Variants in COL15A1 observed in about 807,000 individuals in gnomAD.
COL15A1 encodes the protein collagen type XV alpha 1 chain.
In COL15A1, 111 loss-of-function variants were observed where a neutral mutation model predicts 165.9. The observed-to-expected ratio is 0.67, with a 90% CI of 0.57 to 0.78. The LOEUF (loss-of-function observed/expected upper bound fraction) is 0.78, where lower values mean the gene tolerates loss of function less well. Among genes scored for constraint, COL15A1 ranks in the 30% least tolerant of loss-of-function variants. The pLI is 0.00. For missense variants in COL15A1, 1,745 were observed against 1,789.7 expected, an observed-to-expected ratio of 0.98 and a Z score of 0.45; for synonymous variants, 659 against 674.8, an observed-to-expected ratio of 0.98 and a Z score of 0.36.
At chr9:98,990,880 A>C (rs185583213) in intron 5 of COL15A1, among the ~76,000 whole-genome samples, 5 of 152,292 alleles carry the variant, frequency 3.3e-5, no homozygotes, top group Admixed American at 2.0e-4. Flanking sequence ...TGAGTGTTAC[A>C]GTTCTTAAAG....
chr9:98,976,967 C>T (rs569308039), intron 2 of COL15A1, among the ~76,000 whole-genome samples: 6 of 152,038 alleles, frequency 3.9e-5, no homozygotes, highest in Non-Finnish European at 7.4e-5. Flanking sequence ...GAGGGAACAG[C>T]ATACACAAAG....
At chr9:98,993,942 T>C (rs949158075) in intron 5 of COL15A1, among the ~76,000 whole-genome samples, 1 of 152,140 alleles carries the variant, frequency 6.6e-6, no homozygotes, top group Non-Finnish European at 1.5e-5. Flanking sequence ...ACTTTCTGAG[T>C]GGTCAGGGAC....
intron 2 of COL15A1, among the ~76,000 whole-genome samples, chr9:98,970,471 T>C (rs1308279016): frequency 1.3e-5 from 2 of 152,146 alleles, no homozygotes; most frequent in East Asian, 3.9e-4. Flanking sequence ...CTCTGAGCCC[T>C]TAAGGGGGTA....
intron 2 of COL15A1, among the ~76,000 whole-genome samples, chr9:98,984,311 G>A (rs1042296293): frequency 7.9e-5 from 12 of 152,210 alleles, no homozygotes; most frequent in Admixed American, 2.0e-4. Flanking sequence ...CTGCAAGCTA[G>A]TCTGCAGCTT....
At chr9:98,985,109 T>C (rs1838286395) in intron 2 of COL15A1, among the ~76,000 whole-genome samples, 1 of 151,808 alleles carries the variant, frequency 6.6e-6, no homozygotes, top group Non-Finnish European at 1.5e-5. Context: ...AGTTTTATAG[T>C]GGGGAAAAAA....
At chr9:99,068,482 AAAAAG>A in intron 40 of COL15A1, 68 bp from the exon 41 acceptor site, 1 of 642,886 alleles carries the variant, frequency 1.6e-6, no homozygotes, top group Admixed American at 3.9e-5. Flanking sequence ...AAAAAAAAAA[AAAAAG>A]AGTAAAAATC....
chr9:99,069,173 AC>A (rs1366953602), intron 41 of COL15A1, among the ~76,000 whole-genome samples: 1 of 152,182 alleles, frequency 6.6e-6, no homozygotes, highest in Admixed American at 6.5e-5. Flanking sequence ...TAATAAACCC[AC>A]ACAGCTCCTA....
intron 9 of COL15A1, 52 bp downstream of exon 9, chr9:99,005,102 G>C (rs2118957877): frequency 6.6e-7 from 1 of 1,515,340 alleles, no homozygotes; most frequent in Middle Eastern, 2.3e-4. Context: ...AGCAGCTCCT[G>C]ACCTTCTCAG....
intron 5 of COL15A1, among the ~76,000 whole-genome samples, chr9:98,993,512 G>C (rs867754834): frequency 1.3e-5 from 2 of 152,070 alleles, no homozygotes; most frequent in Non-Finnish European, 2.9e-5. Context: ...CTGTGCACCC[G>C]TCTGTCTGCA....
At chr9:99,044,685 A>G in intron 25 of COL15A1, 49 bp downstream of exon 25, 12 of 1,612,738 alleles carry the variant, frequency 7.4e-6, no homozygotes, top group Non-Finnish European at 1.0e-5. Context: ...CCAGCTTTGC[A>G]TCTTTGTTTC....
intron 2 of COL15A1, among the ~76,000 whole-genome samples, chr9:98,967,295 G>A (rs145188250): frequency 6.6e-6 from 1 of 152,210 alleles, no homozygotes; most frequent in Admixed American, 6.5e-5. Flanking sequence ...TGGAAGGTGT[G>A]TGCCGACCCT....
chr9:99,015,445 C>A lies in COL15A1; in HGVS notation c.1382C>A (p.Thr461Lys). The A allele has an allele frequency of 6.2e-7, 1 of 1,607,900 alleles. No homozygotes were observed. Among genetic ancestry groups the A allele is most frequent in the Non-Finnish European group, 8.5e-7 (1 of 1,175,200 alleles). ...CCAAGCAGTGAAGACAGTTTAACAACAGCTGCAGCTGCAACCGAAGTGTCC... is the reference window on the plus strand; with the variant it reads ...CCAAGCAGTGAAGACAGTTTAACAAAAGCTGCAGCTGCAACCGAAGTGTCC... ...VGPSSEDSLT[T>K]AAAATEVSLS... Residue 461 changes from threonine to lysine, a missense_variant, in exon 10 of 42, where the codon ACA becomes AAA. Physicochemically the swap from Thr to Lys is moderately conservative, Grantham distance 78. Coordinates refer to ENST00000375001, the MANE Select transcript of COL15A1 (RefSeq NM_001855.5).
At chr9:99,035,302 G>A (rs1216492611) in intron 18 of COL15A1, 48 bp from the exon 19 acceptor site, 3 of 1,611,388 alleles carry the variant, frequency 1.9e-6, no homozygotes, top group Non-Finnish European at 8.5e-7. Context: ...GGCACAAGTA[G>A]GTGCCCAGGA....
chr9:99,011,962 AT>A (rs1432287223), intron 9 of COL15A1, among the ~76,000 whole-genome samples: 8 of 152,208 alleles, frequency 5.3e-5, no homozygotes, highest in Non-Finnish European at 1.2e-4. Context: ...CATTAAACTA[AT>A]GTTCTTGTCT....
chr9:99,067,105 A>T, intron 40 of COL15A1, 38 bp downstream of exon 40: 1 of 1,565,906 alleles, frequency 6.4e-7, no homozygotes, highest in African/African-American at 1.3e-5. Flanking sequence ...TTCTGCATGC[A>T]TTGGTCGCTA....
In COL15A1 at chr9:98,997,024, G is replaced by A. The variant is rs369560397; in HGVS notation, c.895G>A (p.Glu299Lys). 1.2e-5 allele frequency: 20 copies of A among 1,613,972 alleles called. No homozygotes were observed. The highest frequency in any genetic ancestry group is 1.6e-4 in the Middle Eastern group (1 of 6,084). ...GGAACTTTCTGGTGAACCTGTACCC[G>A]AGGGGACCCTGGAAACCACCAACAT... ...DMELSGEPVP[E>K]GTLETTNMSI... The change falls in exon 6 of 42, where the codon GAG becomes AAG. Residue 299 changes from glutamate to lysine, a missense_variant. Glu to Lys is a moderately conservative substitution (Grantham distance 56, BLOSUM62 1). Transcript: ENST00000375001.
intron 13 of COL15A1, among the ~76,000 whole-genome samples, chr9:99,022,369 A>G (rs1839042847): frequency 6.6e-6 from 1 of 152,152 alleles, no homozygotes; most frequent in South Asian, 2.1e-4. Flanking sequence ...AGTTCTTCAA[A>G]CTCAACACTT....
At chr9:98,973,782 C>T (rs943855655) in intron 2 of COL15A1, among the ~76,000 whole-genome samples, 44 of 152,224 alleles carry the variant, frequency 2.9e-4, no homozygotes, top group African/African-American at 8.9e-4. Flanking sequence ...TCATTCCTTC[C>T]AGGCCTGAAG....
At position 99,069,996 on chromosome 9, in the gene COL15A1, T is replaced by C; in HGVS notation, c.*110T>C. 2 of 719,360 alleles carry C rather than the reference T, an allele frequency of 2.8e-6. No individual in the cohort carries two copies. The highest frequency in any genetic ancestry group is 4.5e-6 in the Non-Finnish European group (2 of 449,226). The allele number at this position is 719,360 out of a possible 1,614,324, so 44.6% of individuals were successfully genotyped here. A position where few individuals can be genotyped will look rare whatever the true frequency, so the allele number is the denominator to read the frequency against. ...AAATATTACAGTTTTTTTTTTTTAC[T>C]ACATATTCTTTACAACAGCAACCAA... On this transcript the variant is annotated 3_prime_UTR_variant, in exon 42 of 42. Coordinates refer to ENST00000375001, the MANE Select transcript of COL15A1 (RefSeq NM_001855.5).
Sources: gnomAD v4.1 joint callset for allele counts (sites outside exome capture counted in the v4.1 genomes callset) on GRCh38, gnomAD v4.1.1 for gene constraint, MANE v1.5 for transcripts, NCBI Gene and HGNC (gene_info 2026-07-23, HGNC 2026-07-21) for gene names.